The following ERAP1 variants were observed in gnomAD, a reference collection of about 807,000 sequenced individuals.
The protein encoded by ERAP1 is adipocyte-derived leucine aminopeptidase.
Under a neutral mutation model 103.7 loss-of-function variants are expected in ERAP1, and 86 were observed. That is an observed-to-expected ratio of 0.83 (90% confidence interval 0.70 to 0.99). ERAP1 has a LOEUF of 0.99. Ranked by LOEUF, ERAP1 falls within the 50% of genes least tolerant of loss-of-function variation. ERAP1 has a pLI of 0.00. For synonymous variants in ERAP1, 398 were observed against 402.4 expected (o/e 0.99, Z 0.13); for missense variants, 1,009 against 1,128.4 (o/e 0.89, Z 1.52).
chr5:96,882,464 C>T, the ERAP1 span, among the ~76,000 whole-genome samples: 394 of 152,322 alleles, frequency 2.6e-3, 6 homozygotes, highest in Admixed American at 0.022. Flanking sequence ...TGATAATGTA[C>T]TGCACAATGT....
In ERAP1 at chr5:96,798,581, C is replaced by T. The variant is rs986471878; in HGVS notation, c.664-1272G>A. On this transcript the variant is annotated intron_variant, in intron 3 of 18. Coordinates refer to ENST00000443439, the MANE Select transcript of ERAP1 (RefSeq NM_001040458.3). ...CTTACCTCTATTGCTCTGACCTCAT[C>T]TTTTTTTTTTGTTTTGAGAGATAGG... Among the ~76,000 whole-genome samples, 29 of 149,408 alleles carry T rather than the reference C, an allele frequency of 1.9e-4. No homozygotes were observed. The South Asian group carries it at 2.9e-3, about 15-fold the overall frequency.
At chr5:96,850,449 G>T in the ERAP1 span, among the ~76,000 whole-genome samples, 7 of 152,198 alleles carry the variant, frequency 4.6e-5, no homozygotes, top group South Asian at 1.5e-3. Context: ...GACATTTCTC[G>T]TAGAAAGACA....
the ERAP1 span, among the ~76,000 whole-genome samples, chr5:96,848,357 T>C: frequency 1.3e-5 from 2 of 152,112 alleles, no homozygotes; most frequent in Non-Finnish European, 2.9e-5. Context: ...TGCCGAGAGT[T>C]TGTTTTCTGA....
At chr5:96,884,888 T>A in the ERAP1 span, among the ~76,000 whole-genome samples, 1 of 152,204 alleles carries the variant, frequency 6.6e-6, no homozygotes, top group Non-Finnish European at 1.5e-5. Flanking sequence ...CTGGTGACAA[T>A]TGCCATGCAA....
chr5:96,815,399 T>C, the ERAP1 span, among the ~76,000 whole-genome samples: 1 of 128,718 alleles, frequency 7.8e-6, no homozygotes, highest in Non-Finnish European at 1.7e-5. Flanking sequence ...GTTGTTGTTG[T>C]TTGTTTTGTT....
At chr5:96,866,627 C>T in the ERAP1 span, among the ~76,000 whole-genome samples, 2 of 152,176 alleles carry the variant, frequency 1.3e-5, no homozygotes, top group Non-Finnish European at 2.9e-5. Flanking sequence ...GCCATAGTTC[C>T]TGCCATTACA....
At chr5:96,860,745 A>C in the ERAP1 span, among the ~76,000 whole-genome samples, 1 of 152,142 alleles carries the variant, frequency 6.6e-6, no homozygotes, top group African/African-American at 2.4e-5. Context: ...GAGCTAATGC[A>C]CATTTGTCAG....
At chr5:96,811,756 A>G (rs767996716), upstream of ERAP1, among the ~76,000 whole-genome samples, 2 of 152,206 alleles carry the variant, frequency 1.3e-5, no homozygotes, top group Non-Finnish European at 2.9e-5. Context: ...GAACTTCTAG[A>G]ATTGTGGATC....
chr5:96,807,407 G>C (rs2151016664), intron 1 of ERAP1, among the ~76,000 whole-genome samples: 1 of 152,278 alleles, frequency 6.6e-6, no homozygotes, highest in South Asian at 2.1e-4. Context: ...GCCCGAGCCA[G>C]CTGCCCGCCC....
At chr5:96,867,261 C>T in the ERAP1 span, among the ~76,000 whole-genome samples, 2 of 152,048 alleles carry the variant, frequency 1.3e-5, no homozygotes, top group African/African-American at 2.4e-5. Context: ...TCTGCCTCAG[C>T]CTCCCAAAGT....
exon 20 of ERAP1, chr5:96,762,409 T>C (rs781541630): frequency 1.4e-6 from 2 of 1,449,114 alleles, no homozygotes; most frequent in Middle Eastern, 1.8e-4. Flanking sequence ...TAAATGTTTT[T>C]GCGCAGCCAC....
chr5:96,766,909 A>T (rs1770203668), intron 19 of ERAP1, among the ~76,000 whole-genome samples: 1 of 152,218 alleles, frequency 6.6e-6, no homozygotes, highest in Admixed American at 6.5e-5. Context: ...GTCTCCTATT[A>T]CAGGAACCAA....
chr5:96,885,723 G>T, the ERAP1 span, among the ~76,000 whole-genome samples: 1 of 144,882 alleles, frequency 6.9e-6, no homozygotes, highest in Admixed American at 6.8e-5. Context: ...GCCTGTCTAG[G>T]AGTTGTGACT....
chr5:96,864,387 A>G, the ERAP1 span, among the ~76,000 whole-genome samples: 1 of 152,210 alleles, frequency 6.6e-6, no homozygotes, highest in Admixed American at 6.5e-5. Flanking sequence ...TTCAAAAATT[A>G]CACTCAATGT....
At chr5:96,796,875 C>T (rs543133515) in intron 4 of ERAP1, among the ~76,000 whole-genome samples, 1 of 152,288 alleles carries the variant, frequency 6.6e-6, no homozygotes, top group Admixed American at 6.5e-5. Flanking sequence ...TCATTGAAGC[C>T]TCAAACTCCT....
rs775741072 is a variant in ERAP1 at position 96,783,840 on chromosome 5, C to T, written c.2100+84G>A. 125 of 968,152 alleles carry T rather than the reference C, an allele frequency of 1.3e-4. No individual in the cohort carries two copies. The highest frequency in any genetic ancestry group is 1.6e-4 in the Non-Finnish European group (105 of 664,128). The allele number at this position is 968,152 out of a possible 1,614,324, so 60.0% of individuals were successfully genotyped here. A position where few individuals can be genotyped will look rare whatever the true frequency, so the allele number is the denominator to read the frequency against. The stretch of plus-strand genomic sequence containing the variant: ...AGATACACACACACACACACACACA[C>T]ACACACACACACACATACACACACA... On this transcript the variant is annotated intron_variant, in intron 14 of 18. Coordinates refer to ENST00000443439, the MANE Select transcript of ERAP1 (RefSeq NM_001040458.3).
At chr5:96,877,782 C>T in the ERAP1 span, among the ~76,000 whole-genome samples, 8 of 152,230 alleles carry the variant, frequency 5.3e-5, no homozygotes, top group South Asian at 1.4e-3. Context: ...TATGAGTGTA[C>T]TTATCAGACG....
At chr5:96,930,723 C>G in the ERAP1 span, among the ~76,000 whole-genome samples, 1 of 152,200 alleles carries the variant, frequency 6.6e-6, no homozygotes, top group African/African-American at 2.4e-5. Flanking sequence ...TTAAACTCAG[C>G]AGATTTAGGC....
the ERAP1 span, among the ~76,000 whole-genome samples, chr5:96,836,176 G>GTT: frequency 0.27 from 28,801 of 106,500 alleles, 4,564 homozygotes; most frequent in East Asian, 0.4. Context: ...CACCTCTTTG[G>GTT]TTTTTTTTTT....
Sources: allele counts gnomAD v4.1 joint callset (sites outside exome capture counted in the v4.1 genomes callset), GRCh38; gene constraint gnomAD v4.1.1; transcripts MANE v1.5; gene names NCBI Gene and HGNC (gene_info 2026-07-23, HGNC 2026-07-21).